CDH18: variants seen among roughly 807,000 people sequenced by gnomAD.
The protein encoded by CDH18 is cadherin-18.
CDH18 carries 31 observed loss-of-function variants against 67.9 expected under a neutral mutation model. That is an observed-to-expected ratio of 0.46 (90% CI 0.34 to 0.62). The LOEUF is 0.62. Among genes scored for constraint, CDH18 ranks in the 20% least tolerant of loss-of-function variants. CDH18 has a pLI of 0.01. For missense variants in CDH18, 890 were observed against 975.5 expected, an observed-to-expected ratio of 0.91 and a Z score of 1.17; for synonymous variants, 362 against 347.2, an observed-to-expected ratio of 1.04 and a Z score of -0.48.
chr5:19,749,228 C>A (rs940023999), intron 3 of CDH18, among the ~76,000 whole-genome samples: 6 of 151,930 alleles, frequency 3.9e-5, no homozygotes, highest in Admixed American at 2.6e-4. Flanking sequence ...AGTAAATCAA[C>A]AAATTCATTT....
chr5:19,962,944 T>A (rs1434411700), intron 2 of CDH18, among the ~76,000 whole-genome samples: 1 of 152,112 alleles, frequency 6.6e-6, no homozygotes, highest in Non-Finnish European at 1.5e-5. Context: ...CTCTTGAGAC[T>A]CATTGACACT....
intron 2 of CDH18, among the ~76,000 whole-genome samples, chr5:20,097,399 T>C (rs560634190): frequency 6.6e-6 from 1 of 152,122 alleles, no homozygotes; most frequent in South Asian, 2.1e-4. Flanking sequence ...CAAGAGAGTA[T>C]GTGCAGGGGA....
At chr5:19,788,601 T>C (rs1436507757) in intron 3 of CDH18, among the ~76,000 whole-genome samples, 2 of 152,168 alleles carry the variant, frequency 1.3e-5, no homozygotes, top group Non-Finnish European at 2.9e-5. Flanking sequence ...TTGGCTTTCA[T>C]AGGGTGGGCT....
intron 2 of CDH18, among the ~76,000 whole-genome samples, chr5:19,944,301 C>T (rs1419089112): frequency 6.6e-6 from 1 of 152,028 alleles, no homozygotes; most frequent in African/African-American, 2.4e-5. Flanking sequence ...CTAAAGTCTA[C>T]CTATTCCACT....
chr5:19,637,184 CTTCT>C (rs777820292), intron 5 of CDH18, among the ~76,000 whole-genome samples: 423 of 114,068 alleles, frequency 3.7e-3, no homozygotes, highest in African/African-American at 0.012. Context: ...TCCTTTTTTC[CTTCT>C]TTCTTTCTTC....
At chr5:19,560,519 G>C (rs190289989) in intron 8 of CDH18, among the ~76,000 whole-genome samples, 12 of 152,116 alleles carry the variant, frequency 7.9e-5, no homozygotes, top group Admixed American at 3.9e-4. Context: ...CCTCAAGATG[G>C]ATCAAAGACT....
At chr5:20,374,560 T>A (rs1169186502) in intron 1 of CDH18, among the ~76,000 whole-genome samples, 1 of 152,192 alleles carries the variant, frequency 6.6e-6, no homozygotes, top group Non-Finnish European at 1.5e-5. Context: ...TACAGTAGAA[T>A]CACTGAAGAC....
intron 1 of CDH18, among the ~76,000 whole-genome samples, chr5:20,423,653 A>C (rs1363414737): frequency 6.6e-6 from 1 of 150,838 alleles, no homozygotes; most frequent in Non-Finnish European, 1.5e-5. Context: ...AGAATCAAAA[A>C]TTTTCCTAGA....
At chr5:20,426,490 T>A (rs1002976389) in intron 1 of CDH18, among the ~76,000 whole-genome samples, 3 of 151,182 alleles carry the variant, frequency 2.0e-5, no homozygotes, top group Non-Finnish European at 2.9e-5. Context: ...CAAAAACTTT[T>A]TAAAAGAAAC....
rs141350771 is a variant in CDH18 at position 20,473,877 on chromosome 5, T to A, written c.-580+101585A>T. Among the ~76,000 whole-genome samples, 574 of 152,238 alleles carry A rather than the reference T, an allele frequency of 3.8e-3. 4 individuals carry two copies. Among genetic ancestry groups the A allele is most frequent in the African/African-American group, 0.013 (541 of 41,528 alleles). The stretch of plus-strand genomic sequence containing the variant: ...ACATTGTCCATGATATTATTTACCA[T>A]CTGTTCTTTGCTTTTTAAATATGCT... On this transcript the variant is annotated intron_variant, in intron 1 of 14. Coordinates refer to the CDH18 transcript ENST00000507958.
At chr5:20,389,890 C>G (rs914851355) in intron 1 of CDH18, among the ~76,000 whole-genome samples, 7 of 152,120 alleles carry the variant, frequency 4.6e-5, no homozygotes, top group African/African-American at 7.2e-5. Flanking sequence ...AATGGGGAAA[C>G]AATTCCCTAT....
chr5:20,223,512 G>A (rs1336869812), intron 2 of CDH18, among the ~76,000 whole-genome samples: 1 of 152,072 alleles, frequency 6.6e-6, no homozygotes. Flanking sequence ...GGACTGTTGG[G>A]AAGGCATGAT....
intron 1 of CDH18, among the ~76,000 whole-genome samples, chr5:20,567,986 A>C (rs1440959221): frequency 2.6e-5 from 4 of 152,196 alleles, no homozygotes; most frequent in Non-Finnish European, 5.9e-5. Context: ...GAGAACTGTG[A>C]ATTTAGAAGC....
chr5:20,451,729 A>T (rs992238392), intron 1 of CDH18, among the ~76,000 whole-genome samples: 3 of 152,186 alleles, frequency 2.0e-5, no homozygotes, highest in South Asian at 2.1e-4. Flanking sequence ...GTAAGTTCAT[A>T]AACACTTTTT....
intron 1 of CDH18, among the ~76,000 whole-genome samples, chr5:20,340,754 A>C (rs1356772087): frequency 6.6e-6 from 1 of 152,008 alleles, no homozygotes; most frequent in African/African-American, 2.4e-5. Flanking sequence ...AGCCTTTCTG[A>C]TCTCCCCTCC....
intron 1 of CDH18, among the ~76,000 whole-genome samples, chr5:20,499,129 C>A (rs935776381): frequency 2.0e-5 from 3 of 152,006 alleles, no homozygotes; most frequent in Non-Finnish European, 2.9e-5. Flanking sequence ...CACACATACA[C>A]ACACACACAC....
chr5:19,838,839 G>A lies in CDH18; in HGVS notation c.148C>T (p.Arg50Cys), dbSNP rs776963132. 3 of 1,613,980 alleles carry A rather than the reference G, an allele frequency of 1.9e-6. No homozygotes were observed. The highest frequency in any genetic ancestry group is 2.2e-5 in the South Asian group (2 of 91,084). The change falls in exon 3 of 13, where the codon CGT becomes TGT. Residue 50 changes from arginine (R) to cysteine (C), a missense_variant. Physicochemically the swap from Arg to Cys is radical, Grantham distance 180. This residue lies in a region of CDH18 where 234 missense variants were observed against 307.4 expected (regional missense o/e 0.76). Coordinates refer to ENST00000382275, the MANE Select transcript of CDH18 (RefSeq NM_004934.5). ...TTCCATACCCATCCCCTTTTGGGAC[G>A]ATGATGGACTTCGGTTTCACCTTCA... ...HIEGETEVHH[R>C]PKRGWVWNQF...
intron 1 of CDH18, chr5:20,305,835 T>A (rs867221300): frequency 4.2e-6 from 1 of 238,516 alleles, no homozygotes. Flanking sequence ...CCGACAGTGT[T>A]CTGAACTGGG....
chr5:20,141,240 A>G (rs1227747458), intron 2 of CDH18, among the ~76,000 whole-genome samples: 1 of 152,176 alleles, frequency 6.6e-6, no homozygotes, highest in Non-Finnish European at 1.5e-5. Context: ...TCTAAAAGAT[A>G]TCTTGATAAA....
Sources: allele counts gnomAD v4.1 joint callset (sites outside exome capture counted in the v4.1 genomes callset), GRCh38; gene constraint gnomAD v4.1.1; regional missense constraint gnomAD v4.1.1; transcripts MANE v1.5; gene names NCBI Gene and HGNC (gene_info 2026-07-23, HGNC 2026-07-21).